IPO11: variants seen among roughly 807,000 people sequenced by gnomAD.
The protein encoded by IPO11 is importin 11.
In IPO11, 66 loss-of-function variants were observed where a neutral mutation model predicts 143.2. The observed-to-expected ratio is 0.46, with a 90% confidence interval of 0.38 to 0.57. The LOEUF is 0.57. Among genes scored for constraint, IPO11 ranks in the 20% least tolerant of loss-of-function variants. The pLI is 0.00. For synonymous variants in IPO11, 385 were observed against 377.8 expected, an observed-to-expected ratio of 1.02 and a Z score of -0.22; for missense variants, 1,026 against 1,141.0, an observed-to-expected ratio of 0.90 and a Z score of 1.45.
At chr5:62,622,838 A>G (rs980351402) in intron 29 of IPO11, among the ~76,000 whole-genome samples, 4 of 152,220 alleles carry the variant, frequency 2.6e-5, no homozygotes, top group African/African-American at 9.7e-5. Flanking sequence ...TATCTCATGA[A>G]GTCTAGATCC....
chr5:62,455,871 T>C (rs1003416225), intron 5 of IPO11, among the ~76,000 whole-genome samples: 8 of 151,942 alleles, frequency 5.3e-5, no homozygotes, highest in African/African-American at 1.9e-4. Context: ...ATTACAGACA[T>C]GCGCCACCAT....
At chr5:62,546,672 G>A (rs929672528) in intron 24 of IPO11, among the ~76,000 whole-genome samples, 3 of 152,088 alleles carry the variant, frequency 2.0e-5, no homozygotes, top group East Asian at 3.9e-4. Flanking sequence ...AAGTGCAAAA[G>A]TTCTTTTTGT....
chr5:62,571,675 G>A (rs1341184007), intron 27 of IPO11, among the ~76,000 whole-genome samples: 1 of 151,866 alleles, frequency 6.6e-6, no homozygotes, highest in African/African-American at 2.4e-5. Context: ...CTATGGGGAT[G>A]GACATTATTA....
chr5:62,518,890 C>T (rs1388460587), intron 20 of IPO11, among the ~76,000 whole-genome samples: 2 of 152,148 alleles, frequency 1.3e-5, no homozygotes, highest in Non-Finnish European at 2.9e-5. Context: ...GGGTAATAGG[C>T]ACTGGGCTAC....
At chr5:62,570,615 C>G (rs1744102443) in intron 27 of IPO11, among the ~76,000 whole-genome samples, 1 of 152,166 alleles carries the variant, frequency 6.6e-6, no homozygotes. Flanking sequence ...CATCTTAGAA[C>G]AACAATTTGT....
chr5:62,519,812 G>A (rs1247489298), intron 20 of IPO11, among the ~76,000 whole-genome samples: 1 of 152,150 alleles, frequency 6.6e-6, no homozygotes, highest in Non-Finnish European at 1.5e-5. Context: ...TAAATTCTTC[G>A]CTGGAGGCTT....
chr5:62,559,345 C>G (rs1399482118), intron 26 of IPO11, among the ~76,000 whole-genome samples: 1 of 151,650 alleles, frequency 6.6e-6, no homozygotes, highest in Non-Finnish European at 1.5e-5. Flanking sequence ...GGATAATGAA[C>G]AGTAGGTTGT....
chr5:62,435,297 G>A (rs1370612734), intron 1 of IPO11, among the ~76,000 whole-genome samples: 1 of 148,992 alleles, frequency 6.7e-6, no homozygotes, highest in African/African-American at 2.5e-5. Context: ...ACTTAACGTG[G>A]CTGCTAGAAA....
chr5:62,550,955 CA>C (rs34222825), intron 25 of IPO11, among the ~76,000 whole-genome samples: 2,053 of 76,978 alleles, frequency 0.027, 13 homozygotes, highest in African/African-American at 0.051. Flanking sequence ...AACTCCATCT[CA>C]AAAAAAAAAA....
intron 28 of IPO11, among the ~76,000 whole-genome samples, chr5:62,594,959 C>A (rs1021873733): frequency 4.6e-5 from 7 of 152,320 alleles, no homozygotes; most frequent in Non-Finnish European, 8.8e-5. Flanking sequence ...TGGAGGTCTC[C>A]TGGTGATTTC....
intron 28 of IPO11, among the ~76,000 whole-genome samples, chr5:62,596,025 G>A (rs1294814048): frequency 6.6e-6 from 1 of 151,318 alleles, no homozygotes; most frequent in African/African-American, 2.4e-5. Flanking sequence ...TTAGGAGGCC[G>A]AGACGGTAGA....
chr5:62,546,229 A>G (rs1743174231), intron 24 of IPO11, among the ~76,000 whole-genome samples: 1 of 152,234 alleles, frequency 6.6e-6, no homozygotes, highest in African/African-American at 2.4e-5. Flanking sequence ...CTGGATTAAG[A>G]AAATGTGGCA....
At chr5:62,503,553 C>G (rs1741434527) in intron 16 of IPO11, among the ~76,000 whole-genome samples, 1 of 151,876 alleles carries the variant, frequency 6.6e-6, no homozygotes, top group Non-Finnish European at 1.5e-5. Context: ...GATGATAGTT[C>G]CTCATTGAAT....
At chr5:62,485,487 T>C in intron 12 of IPO11, 25 bp downstream of exon 12, 1 of 1,554,878 alleles carries the variant, frequency 6.4e-7, no homozygotes, top group South Asian at 1.1e-5. Flanking sequence ...CAAGAAAAAT[T>C]GATAGGGGAA....
At chr5:62,452,662 C>CGTGTGTGTGTGTGTGT (rs138539006) in intron 5 of IPO11, among the ~76,000 whole-genome samples, 9 of 140,208 alleles carry the variant, frequency 6.4e-5, no homozygotes, top group African/African-American at 2.3e-4. Flanking sequence ...GTTTTGGGTT[C>CGTGTGTGTGTGTGTGT]GTGTGTGTGT....
chr5:62,549,822 A>G (rs564103780), intron 24 of IPO11, among the ~76,000 whole-genome samples: 3 of 152,326 alleles, frequency 2.0e-5, no homozygotes, highest in East Asian at 1.9e-4. Context: ...GTAACAATCA[A>G]TACTCATGAC....
Position 62,627,145 on chromosome 5 carries a change from A to G in IPO11, c.2764-9A>G, listed in dbSNP as rs769501746. The G allele has an allele frequency of 6.2e-7, 1 of 1,611,724 alleles. No homozygotes were observed. The highest frequency in any genetic ancestry group is 1.3e-5 in the African/African-American group (1 of 74,990). ...TTTTGACAGTCTTGCTCCTCTCTGT[A>G]TCCCACAGCTGGCCCTGAAGGACCC... is the stretch of plus-strand genomic sequence containing the variant. On this transcript the variant is annotated splice_polypyrimidine_tract_variant and intron_variant, in intron 29 of 29. Transcript: ENST00000325324.
intron 29 of IPO11, among the ~76,000 whole-genome samples, chr5:62,607,694 G>A (rs1745773738): frequency 6.6e-6 from 1 of 152,036 alleles, no homozygotes; most frequent in Admixed American, 6.6e-5. Flanking sequence ...ATACTTTTTA[G>A]TATTCAGCTT....
chr5:62,483,359 T>C (rs1006086401), intron 10 of IPO11, 66 bp downstream of exon 10: 1 of 939,304 alleles, frequency 1.1e-6, no homozygotes, highest in African/African-American at 1.7e-5. Flanking sequence ...TTGCTATAAT[T>C]ACAAACTTTT....
Sources: allele counts gnomAD v4.1 joint callset (sites outside exome capture counted in the v4.1 genomes callset), GRCh38; gene constraint gnomAD v4.1.1; transcripts MANE v1.5; gene names NCBI Gene and HGNC (gene_info 2026-07-23, HGNC 2026-07-21).